The following C13orf46 variants were observed in gnomAD, a reference collection of about 807,000 sequenced individuals.
C13orf46 encodes the protein uncharacterized protein C13orf46.
At chr13:113,963,662 T>TGCCCCTGTCCTCTGCCACG (rs2052610860) in intron 6 of C13orf46, among the ~76,000 whole-genome samples, 1 of 139,746 alleles carries the variant, frequency 7.2e-6, no homozygotes, top group Non-Finnish European at 1.5e-5. Flanking sequence ...TCCTCAGCCT[T>TGCCCCTGTCCTCTGCCACG]GCCCCTGTCC....
chr13:113,973,465 G>C (rs1396759220), intron 1 of C13orf46, among the ~76,000 whole-genome samples: 2 of 152,176 alleles, frequency 1.3e-5, no homozygotes, highest in African/African-American at 4.8e-5. Context: ...TGTGTGTTCA[G>C]TGAAAGGCTG....
chr13:113,947,370 C>T, the C13orf46 span, among the ~76,000 whole-genome samples: 3 of 152,112 alleles, frequency 2.0e-5, no homozygotes, highest in East Asian at 1.9e-4. Context: ...ACCCAGAACC[C>T]GCTCCAGATG....
chr13:113,973,679 GCA>G (rs2052733320), intron 1 of C13orf46, 127 bp downstream of exon 1: 1 of 152,332 alleles, frequency 6.6e-6, no homozygotes, highest in South Asian at 2.1e-4. Flanking sequence ...CTGTCTCGGC[GCA>G]TCCCTAACCT....
At chr13:113,966,721 T>C (rs949616013) in intron 5 of C13orf46, among the ~76,000 whole-genome samples, 1 of 151,838 alleles carries the variant, frequency 6.6e-6, no homozygotes, top group African/African-American at 2.4e-5. Flanking sequence ...ATGGGGATGA[T>C]GTTGCTGGTG....
the C13orf46 span, among the ~76,000 whole-genome samples, chr13:113,934,692 A>G: frequency 6.6e-6 from 1 of 152,240 alleles, no homozygotes; most frequent in South Asian, 2.1e-4. Flanking sequence ...TCACCACGCC[A>G]TCTGGGCCCC....
downstream of C13orf46, among the ~76,000 whole-genome samples, chr13:113,951,503 G>C (rs955131704): frequency 6.7e-6 from 1 of 149,242 alleles, no homozygotes; most frequent in Non-Finnish European, 1.5e-5. Context: ...CTGCCCACTC[G>C]GGGGAGATCC....
At chr13:113,940,484 G>C in the C13orf46 span, among the ~76,000 whole-genome samples, 2 of 143,002 alleles carry the variant, frequency 1.4e-5, no homozygotes, top group East Asian at 1.9e-4. Context: ...GTGAGGCTGG[G>C]CATTCGAGAC....
At chr13:113,969,996 G>T (rs2052687120) in intron 2 of C13orf46, among the ~76,000 whole-genome samples, 175 bp downstream of exon 2, 1 of 152,068 alleles carries the variant, frequency 6.6e-6, no homozygotes, top group Non-Finnish European at 1.5e-5. Flanking sequence ...GGATTTCCCA[G>T]CCCTCCCATC....
chr13:113,945,161 G>A, the C13orf46 span, among the ~76,000 whole-genome samples: 6 of 152,158 alleles, frequency 3.9e-5, no homozygotes. Context: ...GTTGTGCGTG[G>A]GCCGTTCCGG....
chr13:113,933,955 C>T, the C13orf46 span, among the ~76,000 whole-genome samples: 3 of 152,126 alleles, frequency 2.0e-5, no homozygotes, highest in South Asian at 2.1e-4. Flanking sequence ...GGTACGACTC[C>T]GTGTGGAGAT....
the C13orf46 span, among the ~76,000 whole-genome samples, chr13:113,937,328 C>T: frequency 2.0e-5 from 3 of 152,200 alleles, no homozygotes; most frequent in Admixed American, 6.5e-5. Flanking sequence ...CAGTCCACAT[C>T]GTGGCCACGT....
chr13:113,966,032 T>C (rs1376728185), intron 5 of C13orf46, among the ~76,000 whole-genome samples: 5 of 150,968 alleles, frequency 3.3e-5, no homozygotes, highest in South Asian at 4.2e-4. Context: ...ATGGTCATGA[T>C]AGTGATGGTG....
chr13:113,927,480 C>G, the C13orf46 span: 2 of 398,626 alleles, frequency 5.0e-6, no homozygotes, highest in African/African-American at 2.1e-5. Flanking sequence ...AAGTCCTGGG[C>G]TATCTCCTCC....
chr13:113,927,220 G>A, the C13orf46 span: 8 of 262,080 alleles, frequency 3.1e-5, no homozygotes, highest in Non-Finnish European at 5.0e-5. Flanking sequence ...TCCCTTGAGT[G>A]GAGCCCTGGA....
At chr13:113,964,484 T>A (rs1391727536) in intron 6 of C13orf46, among the ~76,000 whole-genome samples, 1 of 152,164 alleles carries the variant, frequency 6.6e-6, no homozygotes, top group Non-Finnish European at 1.5e-5. Flanking sequence ...GAGAGAAGCC[T>A]GCTTGGCTGT....
At chr13:113,942,378 T>C in the C13orf46 span, among the ~76,000 whole-genome samples, 1 of 152,166 alleles carries the variant, frequency 6.6e-6, no homozygotes. Context: ...AAGACCCCCA[T>C]GGATGCCAAA....
chr13:113,946,577 T>A, the C13orf46 span, among the ~76,000 whole-genome samples: 1 of 152,152 alleles, frequency 6.6e-6, no homozygotes, highest in African/African-American at 2.4e-5. Context: ...CAGTGTGCTG[T>A]GGGTGGCAGC....
chr13:113,943,933 T>A, the C13orf46 span, among the ~76,000 whole-genome samples: 3 of 152,188 alleles, frequency 2.0e-5, no homozygotes, highest in Non-Finnish European at 4.4e-5. Context: ...ACACTCATCG[T>A]GGGCAGGTTT....
chr13:113,932,732 G>A, the C13orf46 span, among the ~76,000 whole-genome samples: 2 of 152,150 alleles, frequency 1.3e-5, no homozygotes, highest in African/African-American at 4.8e-5. Flanking sequence ...TAGCTTATTG[G>A]TTTTTTCATG....
Sources: gnomAD v4.1 joint callset for allele counts (sites outside exome capture counted in the v4.1 genomes callset) on GRCh38, gnomAD v4.1.1 for gene constraint, MANE v1.5 for transcripts, NCBI Gene and HGNC (gene_info 2026-07-23, HGNC 2026-07-21) for gene names.